CEP152: variants seen among roughly 807,000 people sequenced by gnomAD.
The protein encoded by CEP152 is centrosomal protein 152.
A neutral mutation model predicts 188.9 loss-of-function variants in CEP152; 132 were observed. That is an observed-to-expected ratio of 0.70 (90% CI 0.61 to 0.81). The LOEUF is 0.81. CEP152 is among the 30% of genes least tolerant of loss of function. The pLI, the probability that CEP152 is intolerant of heterozygous loss-of-function variation, is 0.00. For missense variants in CEP152, 1,914 were observed against 1,969.8 expected, an observed-to-expected ratio of 0.97 and a Z score of 0.54; for synonymous variants, 649 against 666.6, an observed-to-expected ratio of 0.97 and a Z score of 0.41.
chr15:48,765,714 C>G, intron 17 of CEP152: 1 of 346,616 alleles, frequency 2.9e-6, no homozygotes, highest in Non-Finnish European at 5.2e-6. Context: ...AGTGCAGTGG[C>G]GCAATCTCGA....
At chr15:48,767,024 G>GA in intron 17 of CEP152, 36 bp downstream of exon 17, 1 of 1,609,604 alleles carries the variant, frequency 6.2e-7, no homozygotes. Flanking sequence ...CTTGAAGAGT[G>GA]AAAGGATGTC....
chr15:48,760,869 T>C (rs1409485547), intron 18 of CEP152, among the ~76,000 whole-genome samples: 1 of 152,118 alleles, frequency 6.6e-6, no homozygotes, highest in Non-Finnish European at 1.5e-5. Flanking sequence ...CTTATTCCTT[T>C]ATTTTAAAAT....
rs373021671 is a variant in CEP152, at chr15:48,798,054, G to T, written c.88-3C>A. ...AGGTCTGTGAGTAACTGCTGCAACT[G>T]AGTCAAAAGGTCTGCATCAATATCA... On this transcript the variant is annotated splice_polypyrimidine_tract_variant and splice_region_variant and intron_variant, in intron 2 of 26. Coordinates refer to ENST00000380950, the MANE Select transcript of CEP152 (RefSeq NM_001194998.2). 2.9e-5 allele frequency: 47 copies of T among 1,611,458 alleles called. No individual in the cohort carries two copies. The African/African-American group carries it at 5.7e-4, about 20-fold the overall frequency.
At chr15:48,807,623 C>G (rs989157917) in intron 1 of CEP152, among the ~76,000 whole-genome samples, 1 of 151,670 alleles carries the variant, frequency 6.6e-6, no homozygotes, top group Non-Finnish European at 1.5e-5. Context: ...CTGAATCCTC[C>G]AGGCAGAAAA....
At chr15:48,793,223 G>C (rs1289381740) in intron 7 of CEP152, 98 bp downstream of exon 7, 1 of 1,422,480 alleles carries the variant, frequency 7.0e-7, no homozygotes, top group African/African-American at 1.4e-5. Context: ...CTCTGACCAA[G>C]TGTTTTTACT....
intron 20 of CEP152, among the ~76,000 whole-genome samples, chr15:48,755,017 CT>C (rs34877620): frequency 0.077 from 11,117 of 143,934 alleles, 626 homozygotes; most frequent in Admixed American, 0.18. Context: ...ATAATACTGG[CT>C]TTTTTTTTTT....
chr15:48,784,020 C>G lies in CEP152; in HGVS notation c.1274G>C (p.Arg425Thr). The G allele has an allele frequency of 6.2e-7, 1 of 1,613,720 alleles. No homozygotes were observed. Among genetic ancestry groups the G allele is most frequent in the Non-Finnish European group, 8.5e-7 (1 of 1,179,896 alleles). Residue 425 changes from arginine to threonine, a missense_variant, in exon 10 of 27, where the codon AGA (arginine) becomes ACA (threonine). By Grantham distance (71) the Arg-to-Thr change is moderately conservative. Transcript: ENST00000380950. The stretch of plus-strand genomic sequence containing the variant: ...CTGCTTTTGACTCTCCTCTAGACTT[C>G]TTGTCAACTTATTAATGATCTCAGT... ...EKTEIINKLT[R>T]SLEESQKQCA...
intron 12 of CEP152, among the ~76,000 whole-genome samples, chr15:48,775,184 T>A (rs1012727549): frequency 6.6e-6 from 1 of 151,914 alleles, no homozygotes; most frequent in African/African-American, 2.4e-5. Context: ...TACATGTAAC[T>A]GGAGACCCAA....
Position 48,772,431 on chromosome 15 carries a change from GT to G in CEP152, c.1782+55del. 6.1e-6 allele frequency: 9 copies of G among 1,468,622 alleles called. No individual in the cohort carries two copies. In the South Asian group the frequency reaches 1.0e-4, roughly 17 times the overall value. The allele number at this position is 1,468,622 out of a possible 1,614,324, so 91.0% of individuals were successfully genotyped here. A position where few individuals can be genotyped will look rare whatever the true frequency, so the allele number is the denominator to read the frequency against. On this transcript the variant is annotated intron_variant, in intron 13 of 26. Transcript: ENST00000380950. ...GTCTCAAAAAAAAAAAAGTGTAAAA[GT>G]TTTCTTTATTGAGCCTTTTAAAAAT...
chr15:48,745,042 CT>C, intron 22 of CEP152, 50 bp from the exon 23 acceptor site: 1 of 1,300,310 alleles, frequency 7.7e-7, no homozygotes, highest in Non-Finnish European at 1.1e-6. Flanking sequence ...TTTTTTAAGC[CT>C]TCTTTTCCCT....
At chr15:48,795,786 C>CCTCA (rs1161105034) in intron 6 of CEP152, among the ~76,000 whole-genome samples, 19 of 152,130 alleles carry the variant, frequency 1.2e-4, no homozygotes, top group Admixed American at 5.2e-4. Flanking sequence ...CAACATTACC[C>CCTCA]CTCAACAGCC....
rs74012148 is a variant in CEP152, at chr15:48,780,277, G to A, written c.1577+919C>T. Among the ~76,000 whole-genome samples, 811 of 152,170 alleles carry A rather than the reference G, an allele frequency of 5.3e-3. 8 individuals carry two copies. The highest frequency in any genetic ancestry group is 0.019 in the African/African-American group (781 of 41,512). On this transcript the variant is annotated intron_variant, in intron 12 of 26. Coordinates refer to ENST00000380950, the MANE Select transcript of CEP152 (RefSeq NM_001194998.2). Reference sequence around the variant, plus strand: ...CCTGAAGACAGACCTCTAGATAAATGGAGCCTTACTAAACTAGAATAATAC... The same window carrying A: ...CCTGAAGACAGACCTCTAGATAAATAGAGCCTTACTAAACTAGAATAATAC...
intron 19 of CEP152, among the ~76,000 whole-genome samples, chr15:48,758,860 C>G (rs1894470044): frequency 6.6e-6 from 1 of 151,864 alleles, no homozygotes; most frequent in African/African-American, 2.4e-5. Context: ...TGAGAAGCAA[C>G]AAAAACACTT....
chr15:48,772,734 A>C (rs779249130), intron 12 of CEP152, 43 bp from the exon 13 acceptor site: 1 of 1,541,364 alleles, frequency 6.5e-7, no homozygotes, highest in East Asian at 2.2e-5. Flanking sequence ...TCAAGTAATA[A>C]ATCAGACATG....
At chr15:48,758,695 G>C (rs2140687044) in intron 19 of CEP152, among the ~76,000 whole-genome samples, 1 of 109,830 alleles carries the variant, frequency 9.1e-6, no homozygotes, top group East Asian at 2.9e-4. Context: ...CTCCAGCCTG[G>C]GAAACACAGC....
At chr15:48,768,506 G>C (rs980974903) in intron 14 of CEP152, among the ~76,000 whole-genome samples, 178 bp from the exon 15 acceptor site, 5 of 152,054 alleles carry the variant, frequency 3.3e-5, no homozygotes, top group Non-Finnish European at 5.9e-5. Flanking sequence ...TAAGAACATA[G>C]ATTCATTTAT....
At chr15:48,781,402 A>G (rs1421552498) in intron 11 of CEP152, 43 bp from the exon 12 acceptor site, 2 of 1,489,564 alleles carry the variant, frequency 1.3e-6, no homozygotes, top group Admixed American at 1.7e-5. Flanking sequence ...CTATTTTCCT[A>G]TATGAAGTAA....
In CEP152 at chr15:48,805,015, T is replaced by C. The variant is rs775770981; in HGVS notation, c.87+548A>G. Among the ~76,000 whole-genome samples, 88 of 152,346 alleles carry C rather than the reference T, an allele frequency of 5.8e-4. 1 individual carries two copies. The highest frequency in any genetic ancestry group is 6.8e-3 in the Middle Eastern group (2 of 294). ...CTTCTGCATGGCTGGTTCCTTCTCA[T>C]GAGTCAAGTCTCAGCTCATATATTG... On this transcript the variant is annotated intron_variant, in intron 2 of 26. Transcript: ENST00000380950.
chr15:48,809,885 T>C (rs1898216725), intron 1 of CEP152, among the ~76,000 whole-genome samples: 1 of 152,148 alleles, frequency 6.6e-6, no homozygotes, highest in Admixed American at 6.5e-5. Context: ...CTATGAGAAA[T>C]GTCACTTCTA....
Sources: gnomAD v4.1 joint callset for allele counts (sites outside exome capture counted in the v4.1 genomes callset) on GRCh38, gnomAD v4.1.1 for gene constraint, MANE v1.5 for transcripts, NCBI Gene and HGNC (gene_info 2026-07-23, HGNC 2026-07-21) for gene names.